The following AGBL4 variants were observed in gnomAD, a reference collection of about 807,000 sequenced individuals.
The protein encoded by AGBL4 is cytosolic carboxypeptidase 6.
A neutral mutation model predicts 66.4 loss-of-function variants in AGBL4; 58 were observed. The ratio of observed to expected loss-of-function variants is 0.87; its 90% confidence interval spans 0.71 to 1.09. AGBL4 has a LOEUF of 1.09. Ranked by LOEUF, AGBL4 falls within the 50% of genes least tolerant of loss-of-function variation. The pLI is 0.00. For synonymous variants in AGBL4, 234 were observed against 222.9 expected, an observed-to-expected ratio of 1.05 and a Z score of -0.44; for missense variants, 579 against 631.0, an observed-to-expected ratio of 0.92 and a Z score of 0.88.
chr1:49,233,920 T>C (rs1650517910), intron 4 of AGBL4, among the ~76,000 whole-genome samples: 1 of 152,210 alleles, frequency 6.6e-6, no homozygotes, highest in African/African-American at 2.4e-5. Context: ...CCAATGAAAT[T>C]TGACTGAAAG....
At chr1:49,716,057 T>C (rs1480281916) in intron 2 of AGBL4, among the ~76,000 whole-genome samples, 1 of 152,074 alleles carries the variant, frequency 6.6e-6, no homozygotes, top group Non-Finnish European at 1.5e-5. Context: ...ATTGCCTAGG[T>C]TTTCTCCTAG....
chr1:49,249,590 GA>G (rs372028921), intron 3 of AGBL4, among the ~76,000 whole-genome samples: 2 of 152,044 alleles, frequency 1.3e-5, no homozygotes, highest in Non-Finnish European at 2.9e-5. Context: ...TGAGGATGTA[GA>G]AAAAAAGGTA....
chr1:49,269,810 A>G (rs1311352623), intron 3 of AGBL4, among the ~76,000 whole-genome samples: 1 of 152,162 alleles, frequency 6.6e-6, no homozygotes, highest in South Asian at 2.1e-4. Flanking sequence ...TAAATTTATA[A>G]TCCTTTTCTC....
intron 3 of AGBL4, among the ~76,000 whole-genome samples, chr1:49,272,976 G>C (rs1381669668): frequency 6.6e-6 from 1 of 152,054 alleles, no homozygotes; most frequent in Non-Finnish European, 1.5e-5. Flanking sequence ...AGTTTATACT[G>C]TCTCTACTAG....
intron 5 of AGBL4, among the ~76,000 whole-genome samples, chr1:49,004,372 A>G (rs1235848426): frequency 1.3e-5 from 2 of 152,236 alleles, no homozygotes; most frequent in Non-Finnish European, 2.9e-5. Flanking sequence ...TAGGCATATT[A>G]AAGGGATAAT....
At chr1:49,190,980 G>A (rs1277413272) in intron 4 of AGBL4, among the ~76,000 whole-genome samples, 1 of 152,160 alleles carries the variant, frequency 6.6e-6, no homozygotes, top group Non-Finnish European at 1.5e-5. Context: ...TATCCATAAA[G>A]GGTTCCAAAT....
At chr1:49,098,457 A>G (rs1645146515) in intron 4 of AGBL4, among the ~76,000 whole-genome samples, 1 of 152,206 alleles carries the variant, frequency 6.6e-6, no homozygotes, top group Admixed American at 6.5e-5. Flanking sequence ...ATGAGAAGAG[A>G]TGTGATCTGA....
At chr1:49,390,244 C>T (rs1644818112) in intron 3 of AGBL4, among the ~76,000 whole-genome samples, 1 of 152,210 alleles carries the variant, frequency 6.6e-6, no homozygotes, top group Non-Finnish European at 1.5e-5. Context: ...CTCAGAGGAT[C>T]TGTCCACTAT....
At chr1:48,812,359 A>T (rs1206709781) in intron 6 of AGBL4, among the ~76,000 whole-genome samples, 1 of 152,184 alleles carries the variant, frequency 6.6e-6, no homozygotes. Flanking sequence ...GAGGAAGTAG[A>T]TTAGGAGGTT....
chr1:49,753,840 T>C (rs766285745), intron 2 of AGBL4, among the ~76,000 whole-genome samples: 6 of 152,212 alleles, frequency 3.9e-5, no homozygotes, highest in Non-Finnish European at 8.8e-5. Flanking sequence ...TCTGATATCC[T>C]TTCTTCCACT....
intron 3 of AGBL4, among the ~76,000 whole-genome samples, chr1:49,415,950 C>G (rs1043659578): frequency 6.6e-6 from 1 of 151,960 alleles, no homozygotes; most frequent in Non-Finnish European, 1.5e-5. Context: ...ATGCAGAAAC[C>G]AGGGAGTTGC....
intron 2 of AGBL4, among the ~76,000 whole-genome samples, chr1:49,762,914 G>C (rs1195832402): frequency 6.6e-6 from 1 of 151,954 alleles, no homozygotes; most frequent in African/African-American, 2.4e-5. Context: ...TTTTGCTTTT[G>C]TTTTCTGTAC....
At position 49,110,721 on chromosome 1, in the gene AGBL4, G is replaced by A. The variant is rs76429509; in HGVS notation, c.378-64921C>T. ...ACTATTAGCAAACAACCTTGACCCC[G>A]TGACTCAACACTCCATCCACCATCA... On this transcript the variant is annotated intron_variant, in intron 4 of 13. Coordinates refer to ENST00000371839, the MANE Select transcript of AGBL4 (RefSeq NM_032785.4). Among the ~76,000 whole-genome samples, 1,244 of 152,118 alleles carry A rather than the reference G, an allele frequency of 8.2e-3. 10 individuals are homozygous for A. The highest frequency in any genetic ancestry group is 0.013 in the Non-Finnish European group (900 of 68,000).
intron 3 of AGBL4, among the ~76,000 whole-genome samples, chr1:49,340,517 C>A (rs1645518251): frequency 6.6e-6 from 1 of 152,146 alleles, no homozygotes; most frequent in Non-Finnish European, 1.5e-5. Context: ...ACAAAAAATA[C>A]TTTCATGAAA....
intron 3 of AGBL4, among the ~76,000 whole-genome samples, chr1:49,614,974 TAC>T (rs905076479): frequency 5.3e-5 from 8 of 152,200 alleles, no homozygotes; most frequent in African/African-American, 1.9e-4. Context: ...ATGAGTGATT[TAC>T]ACCATTTAAT....
chr1:49,568,498 C>CACACAG (rs1262160401), intron 3 of AGBL4, among the ~76,000 whole-genome samples: 1 of 150,862 alleles, frequency 6.6e-6, no homozygotes, highest in African/African-American at 2.4e-5. Context: ...CACACACACA[C>CACACAG]ACACACACAC....
At chr1:48,795,937 A>G in intron 6 of AGBL4, among the ~76,000 whole-genome samples, 1 of 152,246 alleles carries the variant, frequency 6.6e-6, no homozygotes, top group East Asian at 1.9e-4. Context: ...TACAGGCGTG[A>G]GCCACTGTGC....
At chr1:49,259,382 A>C (rs1236827257) in intron 3 of AGBL4, among the ~76,000 whole-genome samples, 12 of 152,294 alleles carry the variant, frequency 7.9e-5, no homozygotes, top group Non-Finnish European at 1.5e-4. Context: ...AAGAGTCAAG[A>C]CCCATCAGTG....
At chr1:49,050,229 C>T (rs926194064) in intron 4 of AGBL4, among the ~76,000 whole-genome samples, 4 of 152,084 alleles carry the variant, frequency 2.6e-5, no homozygotes, top group African/African-American at 9.7e-5. Flanking sequence ...CTCACATCCT[C>T]AGATTCAGTC....
Sources: gnomAD v4.1 joint callset for allele counts (sites outside exome capture counted in the v4.1 genomes callset) on GRCh38, gnomAD v4.1.1 for gene constraint, MANE v1.5 for transcripts, NCBI Gene and HGNC (gene_info 2026-07-23, HGNC 2026-07-21) for gene names.